SYCP1: variants seen among roughly 807,000 people sequenced by gnomAD.
SYCP1 encodes synaptonemal complex protein 1, also known as cancer/testis antigen 8.
SYCP1 carries 64 observed loss-of-function variants against 153.1 expected under a neutral mutation model. The ratio of observed to expected loss-of-function variants is 0.42; its 90% CI spans 0.34 to 0.51. The LOEUF (loss-of-function observed/expected upper bound fraction) is 0.51. SYCP1 is among the 20% of genes least tolerant of loss of function. SYCP1 has a pLI of 0.06. For missense variants in SYCP1, 997 were observed against 1,049.0 expected (o/e 0.95, Z 0.68); for synonymous variants, 384 against 341.8 (o/e 1.12, Z -1.36).
chr1:114,973,660 T>C (rs1672631260), intron 27 of SYCP1, among the ~76,000 whole-genome samples: 1 of 151,928 alleles, frequency 6.6e-6, no homozygotes, highest in East Asian at 1.9e-4. Flanking sequence ...TTGTTGAATG[T>C]ATTTTTGCCA....
At chr1:114,973,980 GT>G (rs535839229) in intron 27 of SYCP1, among the ~76,000 whole-genome samples, 4 of 151,030 alleles carry the variant, frequency 2.6e-5, no homozygotes, top group Admixed American at 6.6e-5. Flanking sequence ...CTAATTCATT[GT>G]TTTTTTTGGA....
intron 13 of SYCP1, among the ~76,000 whole-genome samples, chr1:114,885,919 A>G (rs1666264876): frequency 6.6e-6 from 1 of 152,130 alleles, no homozygotes; most frequent in Admixed American, 6.6e-5. Context: ...GGAAGGCTCC[A>G]TGGAGGAGCT....
At chr1:114,936,902 A>G (rs1203992551) in intron 23 of SYCP1, among the ~76,000 whole-genome samples, 2 of 152,246 alleles carry the variant, frequency 1.3e-5, no homozygotes, top group South Asian at 2.1e-4. Flanking sequence ...AAGAGGACAC[A>G]GCAAATGGAA....
At chr1:114,926,224 C>T in intron 21 of SYCP1, 54 bp from the exon 22 acceptor site, 2 of 1,291,798 alleles carry the variant, frequency 1.5e-6, no homozygotes, top group South Asian at 4.4e-5. Context: ...CTGAAATTGC[C>T]TGTTTCAACT....
chr1:114,916,631 G>T (rs1474483581), intron 20 of SYCP1, among the ~76,000 whole-genome samples: 12 of 148,514 alleles, frequency 8.1e-5, no homozygotes, highest in Admixed American at 5.4e-4. Flanking sequence ...TATACCTGTT[G>T]CCCTCTAATC....
chr1:114,936,948 T>C (rs1300312529), intron 23 of SYCP1, among the ~76,000 whole-genome samples: 1 of 152,024 alleles, frequency 6.6e-6, no homozygotes, highest in East Asian at 1.9e-4. Context: ...AGAATCAAGA[T>C]CATGAAAATG....
chr1:114,854,336 G>T (rs746066249), upstream of SYCP1, among the ~76,000 whole-genome samples: 10 of 152,052 alleles, frequency 6.6e-5, no homozygotes, highest in African/African-American at 9.7e-5. Context: ...GTCTCACTAC[G>T]TTGCCCAGAC....
At chr1:114,989,683 A>G (rs1046100507) in intron 30 of SYCP1, among the ~76,000 whole-genome samples, 2 of 152,028 alleles carry the variant, frequency 1.3e-5, no homozygotes, top group Admixed American at 1.3e-4. Context: ...TTCTGTGCAT[A>G]TAGTAACCAA....
intron 27 of SYCP1, among the ~76,000 whole-genome samples, chr1:114,956,464 A>G (rs1261139712): frequency 2.6e-5 from 4 of 152,074 alleles, no homozygotes; most frequent in Non-Finnish European, 2.9e-5. Flanking sequence ...CTCCTAGGAG[A>G]CATGTGTTCT....
intron 27 of SYCP1, among the ~76,000 whole-genome samples, chr1:114,965,540 C>T (rs909831591): frequency 1.3e-5 from 2 of 152,048 alleles, no homozygotes; most frequent in African/African-American, 4.8e-5. Flanking sequence ...CCATCAATAC[C>T]TAGTTTATTG....
intron 21 of SYCP1, among the ~76,000 whole-genome samples, chr1:114,925,964 A>T (rs1557805505): frequency 6.6e-6 from 1 of 150,646 alleles, no homozygotes; most frequent in Non-Finnish European, 1.5e-5. Context: ...TACAAAGATA[A>T]TTTTTTTTTT....
Position 114,876,773 on chromosome 1 carries a change from A to G in SYCP1, c.764A>G (p.Gln255Arg). Residue 255 changes from glutamine to arginine, a missense_variant, in exon 11 of 32, where the codon CAA becomes CGA. Around this residue, in one of 2 missense-constraint regions of SYCP1, gnomAD observed 285 missense variants for 366.1 expected, o/e 0.78. Coordinates refer to ENST00000369522, the MANE Select transcript of SYCP1 (RefSeq NM_003176.4). ...TATGAAAAAATCCAACACCTTGAAC[A>G]AGAATACAAGAAGGAAATAAATGAC... ...EDYEKIQHLE[Q>R]EYKKEINDKE... 1 of 1,397,918 alleles carries G rather than the reference A, an allele frequency of 7.2e-7. No individual in the cohort carries two copies. Among genetic ancestry groups the G allele is most frequent in the Non-Finnish European group, 9.3e-7 (1 of 1,070,794 alleles). The allele number at this position is 1,397,918 out of a possible 1,614,324, so 86.6% of individuals were successfully genotyped here.
intron 12 of SYCP1, among the ~76,000 whole-genome samples, chr1:114,881,268 T>C (rs1015721289): frequency 9.2e-5 from 14 of 152,298 alleles, no homozygotes; most frequent in African/African-American, 3.4e-4. Flanking sequence ...CTTTGCTCTT[T>C]TTTTTGGTAT....
chr1:114,956,298 C>A (rs1362920374), intron 27 of SYCP1, among the ~76,000 whole-genome samples: 1 of 152,164 alleles, frequency 6.6e-6, no homozygotes, highest in Non-Finnish European at 1.5e-5. Flanking sequence ...AATCAGGGAA[C>A]TATCCTGTCT....
chr1:114,947,981 A>C (rs1328136168), intron 27 of SYCP1, among the ~76,000 whole-genome samples: 1 of 151,844 alleles, frequency 6.6e-6, no homozygotes, highest in Non-Finnish European at 1.5e-5. Context: ...ATATGTATAC[A>C]TGTGACATGT....
chr1:114,971,297 G>T (rs547823789), intron 27 of SYCP1, among the ~76,000 whole-genome samples: 1 of 152,240 alleles, frequency 6.6e-6, no homozygotes, highest in East Asian at 1.9e-4. Flanking sequence ...GTGAGGGGTG[G>T]GGTAGTGGTT....
At chr1:114,944,107 G>A (rs1170058662) in intron 23 of SYCP1, among the ~76,000 whole-genome samples, 2 of 151,778 alleles carry the variant, frequency 1.3e-5, no homozygotes, top group African/African-American at 2.4e-5. Context: ...ATAAATGCAT[G>A]GGTGTTTATT....
intron 23 of SYCP1, among the ~76,000 whole-genome samples, chr1:114,938,749 G>T (rs77548088): frequency 0.031 from 4,754 of 152,044 alleles, 124 homozygotes; most frequent in Non-Finnish European, 0.042. Flanking sequence ...TAAAGTATGG[G>T]CAAAGGACTT....
intron 25 of SYCP1, among the ~76,000 whole-genome samples, chr1:114,945,889 T>A (rs1473391498): frequency 6.6e-6 from 1 of 152,172 alleles, no homozygotes; most frequent in East Asian, 1.9e-4. Context: ...CATTAACTCA[T>A]CATTTACATT....
Sources: gnomAD v4.1 joint callset for allele counts (sites outside exome capture counted in the v4.1 genomes callset) on GRCh38, gnomAD v4.1.1 for gene constraint, gnomAD v4.1.1 regional missense constraint, MANE v1.5 for transcripts, NCBI Gene and HGNC (gene_info 2026-07-23, HGNC 2026-07-21) for gene names.